SLC9A1: variants seen among roughly 807,000 people sequenced by gnomAD.
SLC9A1 encodes the protein solute carrier family 9 member A1.
In SLC9A1, 22 loss-of-function variants were observed where a neutral mutation model predicts 67.9. The ratio of observed to expected loss-of-function variants is 0.32; its 90% CI spans 0.23 to 0.46. The LOEUF (loss-of-function observed/expected upper bound fraction) is 0.46. Among genes scored for constraint, SLC9A1 ranks in the 20% least tolerant of loss-of-function variants. The pLI, the probability that SLC9A1 is intolerant of heterozygous loss-of-function variation, is 1.00. For synonymous variants in SLC9A1, 421 were observed against 471.8 expected, an observed-to-expected ratio of 0.89 and a Z score of 1.40; for missense variants, 686 against 1,094.8, an observed-to-expected ratio of 0.63 and a Z score of 5.27.
intron 2 of SLC9A1, among the ~76,000 whole-genome samples, chr1:27,110,289 C>G (rs140237792): frequency 2.1e-4 from 32 of 152,274 alleles, no homozygotes; most frequent in African/African-American, 5.5e-4. Flanking sequence ...GTTTCAGTCC[C>G]TCCTTCAGCA....
intron 1 of SLC9A1, among the ~76,000 whole-genome samples, chr1:27,147,220 A>T (rs2083492418): frequency 6.7e-6 from 1 of 148,714 alleles, no homozygotes; most frequent in South Asian, 2.2e-4. Context: ...GAATCACTTG[A>T]ACCCGGGAGG....
At chr1:27,153,303 C>T (rs1338267584) in intron 1 of SLC9A1, among the ~76,000 whole-genome samples, 2 of 152,092 alleles carry the variant, frequency 1.3e-5, no homozygotes, top group Non-Finnish European at 2.9e-5. Context: ...AAACAGACTT[C>T]AGAAATTTCC....
chr1:27,113,472 A>C (rs573051409), intron 2 of SLC9A1, among the ~76,000 whole-genome samples: 27 of 152,212 alleles, frequency 1.8e-4, no homozygotes, highest in Middle Eastern at 3.4e-3. Context: ...AACAAAAAGC[A>C]AGTCAAGTCA....
chr1:27,125,651 G>A (rs2083338296), intron 1 of SLC9A1, among the ~76,000 whole-genome samples: 1 of 151,700 alleles, frequency 6.6e-6, no homozygotes, highest in Non-Finnish European at 1.5e-5. Flanking sequence ...CCGGAGTGCA[G>A]TGGCGCAATC....
At position 27,101,264 on chromosome 1, in the gene SLC9A1, G is replaced by A. The variant is rs751850856; in HGVS notation, c.2049C>T (p.Tyr683=). The part of the protein sequence containing the change: ...ARQLEQKINN[Y]LTVPAHKLDS... Reference sequence around the variant, plus strand: ...CCAGCTTGTGGGCTGGCACCGTCAGGTAGTTGTTGATCTGACAGAGAGGAC... The same window carrying A: ...CCAGCTTGTGGGCTGGCACCGTCAGATAGTTGTTGATCTGACAGAGAGGAC... The change falls in exon 11 of 12, where the codon TAC becomes TAT. Residue 683 remains tyrosine (Y), a synonymous_variant. Transcript: ENST00000263980. The surrounding 1 kb of genome is among the most constrained non-coding windows in gnomAD (Gnocchi z 4.9). 8.7e-6 allele frequency: 14 copies of A among 1,612,018 alleles called. No homozygotes were observed. The East Asian group carries it at 2.7e-4, about 31-fold the overall frequency.
Position 27,113,874 on chromosome 1 carries a change from C to T in SLC9A1, c.765G>A (p.Leu255=). 6.2e-7 allele frequency: 1 copy of T among 1,614,184 alleles called. No homozygotes were observed. The highest frequency in any genetic ancestry group is 8.5e-7 in the Non-Finnish European group (1 of 1,180,004). The change falls in exon 2 of 12, where the codon CTG becomes CTA. Residue 255 remains leucine (L), a synonymous_variant. Coordinates refer to ENST00000263980, the MANE Select transcript of SLC9A1 (RefSeq NM_003047.5). ...AGGACTCCCCAAAAACAAGGATGTG[C>T]AGCAGCTCATTGATGTGAATTTCCT... is the stretch of plus-strand genomic sequence containing the variant. ...VFEEIHINEL[L]HILVFGESLL...
At chr1:27,132,400 G>A (rs1355788153) in intron 1 of SLC9A1, among the ~76,000 whole-genome samples, 2 of 152,088 alleles carry the variant, frequency 1.3e-5, no homozygotes, top group Non-Finnish European at 2.9e-5. Flanking sequence ...ATAATGAGGG[G>A]AATGGACTAT....
intron 1 of SLC9A1, among the ~76,000 whole-genome samples, chr1:27,133,210 G>A (rs559513804): frequency 2.0e-5 from 3 of 152,230 alleles, no homozygotes; most frequent in African/African-American, 7.2e-5. Flanking sequence ...TGGGATTACA[G>A]GCATGCACCA....
chr1:27,141,449 T>A (rs2083452446), intron 1 of SLC9A1, among the ~76,000 whole-genome samples: 1 of 152,168 alleles, frequency 6.6e-6, no homozygotes, highest in Non-Finnish European at 1.5e-5. Flanking sequence ...TTCAAGTATC[T>A]CATCTAAATC....
chr1:27,110,626 T>C (rs1484797057), intron 2 of SLC9A1, among the ~76,000 whole-genome samples: 1 of 152,170 alleles, frequency 6.6e-6, no homozygotes, highest in African/African-American at 2.4e-5. Flanking sequence ...GCGAGGCAGG[T>C]GGGTCAAGGA....
intron 6 of SLC9A1, 66 bp downstream of exon 6, chr1:27,103,157 G>T: frequency 1.7e-6 from 2 of 1,184,618 alleles, no homozygotes; most frequent in South Asian, 1.2e-5. Context: ...GAGACTTGAG[G>T]CCCAGCTGCT....
At chr1:27,148,845 C>T (rs2083506333) in intron 1 of SLC9A1, among the ~76,000 whole-genome samples, 1 of 152,176 alleles carries the variant, frequency 6.6e-6, no homozygotes, top group African/African-American at 2.4e-5. Flanking sequence ...AGCCTGTCAC[C>T]TTTCTGCTCA....
At chr1:27,136,647 G>A (rs2083422202) in intron 1 of SLC9A1, among the ~76,000 whole-genome samples, 3 of 152,068 alleles carry the variant, frequency 2.0e-5, no homozygotes, top group South Asian at 4.1e-4. Flanking sequence ...CTGCTGCTTG[G>A]CACGGATACC....
intron 1 of SLC9A1, among the ~76,000 whole-genome samples, chr1:27,125,237 C>CTT (rs71010327): frequency 0.086 from 7,485 of 86,864 alleles, 1,549 homozygotes; most frequent in South Asian, 0.095. Context: ...CCTTTTCTTT[C>CTT]TTTTTTTTTT....
In SLC9A1 at chr1:27,134,059, G is replaced by A. The variant is rs531492356; in HGVS notation, c.353-19773C>T. The stretch of plus-strand genomic sequence containing the variant: ...ATTACAGGCATGAGCTACCGCGCCC[G>A]GCCTGAGCCCTGGACATTTTCTAAA... On this transcript the variant is annotated intron_variant, in intron 1 of 11. Transcript: ENST00000263980. Among the ~76,000 whole-genome samples the A allele has an allele frequency of 4.5e-4, 69 of 152,146 alleles. 2 individuals carry two copies. In the South Asian group the frequency reaches 0.013, roughly 28 times the overall value.
intron 1 of SLC9A1, among the ~76,000 whole-genome samples, chr1:27,129,974 A>T (rs531193424): frequency 6.6e-5 from 10 of 152,264 alleles, no homozygotes; most frequent in Non-Finnish European, 1.2e-4. Context: ...TCTGAGCCCC[A>T]GTTTTCTGGA....
In SLC9A1 at chr1:27,109,663, C is replaced by A. The variant is rs749369007; in HGVS notation, c.928G>T (p.Val310Leu). 1.2e-6 allele frequency: 2 copies of A among 1,613,772 alleles called. No individual in the cohort carries two copies. Among genetic ancestry groups the A allele is most frequent in the Non-Finnish European group, 8.5e-7 (1 of 1,179,978 alleles). Reference protein sequence around the residue: ...VVALGGVLVGVVYGVIAAFTS... With the variant: ...VVALGGVLVGLVYGVIAAFTS... Reference sequence around the variant, plus strand: ...AAGGCTGCGATGACCCCGTAGACCACGCCCACAAGCACCCCGCCCAGGGCC... The same window carrying A: ...AAGGCTGCGATGACCCCGTAGACCAAGCCCACAAGCACCCCGCCCAGGGCC... Residue 310 changes from valine to leucine, a missense_variant, in exon 3 of 12, where the codon GTG becomes TTG. By Grantham distance (32) the Val-to-Leu change is conservative. Transcript: ENST00000263980. This position sits in a 1 kb window ranked among gnomAD's most constrained non-coding sequence, Gnocchi z 5.5.
At chr1:27,147,559 T>A (rs1422552749) in intron 1 of SLC9A1, among the ~76,000 whole-genome samples, 1 of 151,902 alleles carries the variant, frequency 6.6e-6, no homozygotes, top group Non-Finnish European at 1.5e-5. Context: ...TCCCAGCTAC[T>A]CAGGAGACTG....
Position 27,111,196 on chromosome 1 carries a change from A to T in SLC9A1, c.814-1419T>A, listed in dbSNP as rs116323796. Among the ~76,000 whole-genome samples the T allele has an allele frequency of 4.4e-3, 666 of 152,236 alleles. 2 individuals carry two copies. The highest frequency in any genetic ancestry group is 0.015 in the African/African-American group (638 of 41,538). ...ACAGCCTCTTAGCAGGTGCGTACTCAGCCGTGGGCTAAACTCATTCCTGGC... is the reference window on the plus strand; with the variant it reads ...ACAGCCTCTTAGCAGGTGCGTACTCTGCCGTGGGCTAAACTCATTCCTGGC... On this transcript the variant is annotated intron_variant, in intron 2 of 11. Transcript: ENST00000263980.
Sources: allele counts gnomAD v4.1 joint callset (sites outside exome capture counted in the v4.1 genomes callset), GRCh38; gene constraint gnomAD v4.1.1; non-coding constraint Gnocchi (gnomAD v3.1); transcripts MANE v1.5; gene names NCBI Gene and HGNC (gene_info 2026-07-23, HGNC 2026-07-21).